The following LMO4 variants were observed in gnomAD, a reference collection of about 807,000 sequenced individuals.
LMO4 encodes LIM domain only 4, also known as LIM domain transcription factor LMO4.
LMO4 carries 3 observed loss-of-function variants against 18.5 expected under a neutral mutation model. The observed-to-expected ratio is 0.16, with a 90% CI of 0.07 to 0.42. LMO4 has a LOEUF of 0.42. Ranked by LOEUF, LMO4 falls within the 10% of genes least tolerant of loss-of-function variation. The probability of loss-of-function intolerance (pLI) is 0.99; values close to 1 mark genes in which losing one functional copy is unlikely to be tolerated. For synonymous variants in LMO4, 100 were observed against 88.1 expected, an observed-to-expected ratio of 1.14 and a Z score of -0.76; for missense variants, 121 against 219.9, an observed-to-expected ratio of 0.55 and a Z score of 2.84.
chr1:87,334,337 G>A (rs1388736196), intron 2 of LMO4, among the ~76,000 whole-genome samples: 1 of 152,144 alleles, frequency 6.6e-6, no homozygotes, highest in African/African-American at 2.4e-5. Context: ...GGGCTCACCA[G>A]CAGCTGAGCG....
chr1:87,341,310 A>G (rs1570654831), intron 4 of LMO4, among the ~76,000 whole-genome samples: 1 of 152,178 alleles, frequency 6.6e-6, no homozygotes, highest in East Asian at 1.9e-4. Flanking sequence ...CTCTGATAGT[A>G]TGTTTGACTT....
At chr1:87,338,394 G>C (rs1316985811) in intron 2 of LMO4, among the ~76,000 whole-genome samples, 1 of 152,142 alleles carries the variant, frequency 6.6e-6, no homozygotes, top group Non-Finnish European at 1.5e-5. Flanking sequence ...CTCTTACTTT[G>C]TTTTTCGTTT....
chr1:87,331,937 T>G (rs1249482501), intron 1 of LMO4, 76 bp from the exon 2 acceptor site: 9 of 1,215,632 alleles, frequency 7.4e-6, no homozygotes, highest in Non-Finnish European at 1.1e-5. Flanking sequence ...GGGCTTGCTC[T>G]CTCTCCGGCG....
At chr1:87,338,771 T>G (rs1453830247) in intron 2 of LMO4, among the ~76,000 whole-genome samples, 1 of 152,096 alleles carries the variant, frequency 6.6e-6, no homozygotes, top group Non-Finnish European at 1.5e-5. Flanking sequence ...CCCAGAGAGA[T>G]ATGATGACAA....
intron 2 of LMO4, among the ~76,000 whole-genome samples, chr1:87,336,454 A>T (rs12743523): frequency 6.6e-6 from 1 of 152,216 alleles, no homozygotes; most frequent in African/African-American, 2.4e-5. Flanking sequence ...TGGTCATTGA[A>T]GTTACTGAAA....
intron 4 of LMO4, among the ~76,000 whole-genome samples, chr1:87,343,287 C>T (rs948328139): frequency 6.6e-6 from 1 of 152,160 alleles, no homozygotes; most frequent in African/African-American, 2.4e-5. Flanking sequence ...GCTTTTAAAT[C>T]ATACAGTGAT....
chr1:87,339,935 C>G (rs1650426662), intron 3 of LMO4, 112 bp from the exon 4 acceptor site: 1 of 1,221,300 alleles, frequency 8.2e-7, no homozygotes, highest in East Asian at 2.3e-5. Context: ...ACGCTAAACC[C>G]TAAGTGTCTC....
chr1:87,341,167 A>T (rs1650463949), intron 4 of LMO4, among the ~76,000 whole-genome samples: 1 of 152,230 alleles, frequency 6.6e-6, no homozygotes, highest in Non-Finnish European at 1.5e-5. Flanking sequence ...TTTTATTCAC[A>T]TCATATTTCA....
At chr1:87,340,809 G>A (rs1050959517) in intron 4 of LMO4, among the ~76,000 whole-genome samples, 6 of 152,140 alleles carry the variant, frequency 3.9e-5, no homozygotes, top group African/African-American at 1.4e-4. Context: ...AACCCGCTTA[G>A]TGCCATTAAT....
Position 87,340,129 on chromosome 1 carries a change from A to C in LMO4, c.416A>C (p.His139Pro). ...HYINGSLFCEHDRPTALINGH... is the reference protein window; with the variant it reads ...HYINGSLFCEPDRPTALINGH... ...ATCAATGGCAGTTTATTTTGTGAAC[A>C]TGATAGACCTACAGCTCTCATCAAT... Residue 139 changes from histidine to proline, a missense_variant, in exon 4 of 5, where the codon CAT (histidine) becomes CCT (proline). Physicochemically the swap from His to Pro is moderately conservative, Grantham distance 77 (BLOSUM62 -2). Around this residue, in one of 4 missense-constraint regions of LMO4, gnomAD observed 62 missense variants for 128.8 expected, o/e 0.48. Transcript: ENST00000370544. 6.2e-7 allele frequency: 1 copy of C among 1,614,148 alleles called. No homozygotes were observed. Among genetic ancestry groups the C allele is most frequent in the Non-Finnish European group, 8.5e-7 (1 of 1,180,008 alleles).
rs758802527 is a variant in LMO4 at position 87,332,288 on chromosome 1, G to A, written c.236+37G>A. ...CTGTCTTTCCTGGAGATGGGGGGAA[G>A]AGCAATGGCAAGGCCAAAGGTTAAC... On this transcript the variant is annotated intron_variant, in intron 2 of 4. Transcript: ENST00000370544. 3 of 1,528,722 alleles carry A rather than the reference G, an allele frequency of 2.0e-6. No individual in the cohort carries two copies. In the South Asian group the frequency reaches 3.4e-5, roughly 17 times the overall value. The allele number at this position is 1,528,722 out of a possible 1,614,324, so 94.7% of individuals were successfully genotyped here.
intron 1 of LMO4, among the ~76,000 whole-genome samples, chr1:87,329,835 G>C (rs1414670714): frequency 6.6e-6 from 1 of 152,052 alleles, no homozygotes; most frequent in East Asian, 1.9e-4. Flanking sequence ...CCAGCGTTAC[G>C]TTTGTCCCTC....
At chr1:87,340,478 G>T (rs998077929) in intron 4 of LMO4, among the ~76,000 whole-genome samples, 3 of 152,154 alleles carry the variant, frequency 2.0e-5, no homozygotes, top group Non-Finnish European at 2.9e-5. Context: ...AAAATGTAAA[G>T]CTTCCATATA....
rs1650687440 is a variant in LMO4 at position 87,348,157 on chromosome 1, T to C, written c.*3361T>C. On this transcript the variant is annotated 3_prime_UTR_variant, in exon 5 of 5. Coordinates refer to ENST00000370544, the MANE Select transcript of LMO4 (RefSeq NM_006769.4). ...GGCCCATAAATCATATAATAAACAG[T>C]GAACCCAAGAGCTACATATGGAGTC... is the stretch of plus-strand genomic sequence containing the variant. The C allele has an allele frequency of 6.6e-6, 1 of 152,524 alleles. No individual in the cohort carries two copies. Among genetic ancestry groups the C allele is most frequent in the African/African-American group, 2.4e-5 (1 of 41,422 alleles). 9.4% of individuals were successfully genotyped at this position (152,524 alleles called of 1,614,324 possible). A position where few individuals can be genotyped will look rare whatever the true frequency, so the allele number is the denominator to read the frequency against.
rs1267771247 is a variant in LMO4 at position 87,344,436 on chromosome 1, C to T, written c.490-352C>T. ...GTAGGAACTTGTCTTGGAATGTCCC[C>T]GCTATTTAAAAAATTCAAGATCCCA... On this transcript the variant is annotated intron_variant, in intron 4 of 4. Transcript: ENST00000370544. Among the ~76,000 whole-genome samples, 6 of 152,142 alleles carry T rather than the reference C, an allele frequency of 3.9e-5. No homozygotes were observed. In the South Asian group the frequency reaches 8.3e-4, roughly 21 times the overall value.
chr1:87,336,984 ACACACACG>A (rs1443689722), intron 2 of LMO4, among the ~76,000 whole-genome samples: 1 of 152,168 alleles, frequency 6.6e-6, no homozygotes, highest in Non-Finnish European at 1.5e-5. Context: ...AAAAACACAC[ACACACACG>A]CACACACAAC....
intron 1 of LMO4, among the ~76,000 whole-genome samples, chr1:87,330,759 T>TA (rs767901347): frequency 7.2e-5 from 11 of 152,146 alleles, no homozygotes; most frequent in Admixed American, 3.9e-4. Context: ...ACTCTCAGCT[T>TA]ACAGAGGACA....
In LMO4 at chr1:87,345,732, A is replaced by G. The variant is rs2100571771; in HGVS notation, c.*936A>G. 1 of 152,338 alleles carries G rather than the reference A, an allele frequency of 6.6e-6. No homozygotes were observed. The highest frequency in any genetic ancestry group is 6.5e-5 in the Admixed American group (1 of 15,300). 9.4% of individuals were successfully genotyped at this position (152,338 alleles called of 1,614,324 possible). A position where few individuals can be genotyped will look rare whatever the true frequency, so the allele number is the denominator to read the frequency against. On this transcript the variant is annotated 3_prime_UTR_variant, in exon 5 of 5. Transcript: ENST00000370544. ...TTATTTAGCTCTGGGCCAGTAAGGT[A>G]TTCTTCAAATTACTTAACCACGCCA... is the stretch of plus-strand genomic sequence containing the variant.
chr1:87,333,305 A>T (rs1382995878), intron 2 of LMO4, among the ~76,000 whole-genome samples: 2 of 149,368 alleles, frequency 1.3e-5, no homozygotes, highest in East Asian at 2.0e-4. Flanking sequence ...TCCAGTAATT[A>T]AAAAAAAAAC....
Sources: allele counts gnomAD v4.1 joint callset (sites outside exome capture counted in the v4.1 genomes callset), GRCh38; gene constraint gnomAD v4.1.1; regional missense constraint gnomAD v4.1.1; transcripts MANE v1.5; gene names NCBI Gene and HGNC (gene_info 2026-07-23, HGNC 2026-07-21).